The following TFPI variants were observed in gnomAD, a reference collection of about 807,000 sequenced individuals.
The protein encoded by TFPI is tissue factor pathway inhibitor, also known as anti-convertin.
In TFPI, 15 loss-of-function variants were observed where a neutral mutation model predicts 34.6. The ratio of observed to expected loss-of-function variants is 0.43; its 90% CI spans 0.29 to 0.67. The LOEUF (loss-of-function observed/expected upper bound fraction) is 0.67. Ranked by LOEUF, TFPI falls within the 30% of genes least tolerant of loss-of-function variation. The pLI is 0.15. For missense variants in TFPI, 301 were observed against 364.0 expected (o/e 0.83, Z 1.41); for synonymous variants, 105 against 120.1 (o/e 0.87, Z 0.82).
At position 187,464,623 on chromosome 2, in the gene TFPI, G is replaced by C. The variant is rs969442771; in HGVS notation, c.*2313C>G. On this transcript the variant is annotated 3_prime_UTR_variant, in exon 8 of 8. Transcript: ENST00000233156. ...AGTGACTATTTACCACTTCACCTAA[G>C]TAGACTTTCCCACTCATTTGAAGCT... 1.3e-5 allele frequency: 2 copies of C among 152,146 alleles called. No homozygotes were observed. Among genetic ancestry groups the C allele is most frequent in the African/African-American group, 4.8e-5 (2 of 41,444 alleles). 9.4% of individuals were successfully genotyped at this position (152,146 alleles called of 1,614,324 possible).
At chr2:187,484,624 GAA>G (rs1693124918) in intron 5 of TFPI, 185 bp downstream of exon 5, 1 of 534,210 alleles carries the variant, frequency 1.9e-6, no homozygotes. Flanking sequence ...TTAGATCTAT[GAA>G]AATAATTTCT....
intron 1 of TFPI, among the ~76,000 whole-genome samples, chr2:187,505,129 G>A (rs1686120596): frequency 5.1e-5 from 3 of 58,604 alleles, no homozygotes; most frequent in South Asian, 5.6e-4. Flanking sequence ...TTTTGAACAC[G>A]TTTTTCAGAG....
chr2:187,500,390 T>C (rs911500195), intron 2 of TFPI, among the ~76,000 whole-genome samples: 2 of 152,208 alleles, frequency 1.3e-5, no homozygotes, highest in African/African-American at 4.8e-5. Context: ...GATCCTCATA[T>C]GGTTTTACAA....
chr2:187,492,994 G>A (rs1053712879), intron 3 of TFPI, among the ~76,000 whole-genome samples: 1 of 152,108 alleles, frequency 6.6e-6, no homozygotes, highest in African/African-American at 2.4e-5. Context: ...GTGGCCTGGA[G>A]TATGGTGGCT....
intron 1 of TFPI, chr2:187,529,515 T>C (rs1300471818): frequency 6.6e-6 from 1 of 152,164 alleles, no homozygotes; most frequent in Non-Finnish European, 1.5e-5. Context: ...AAGAAAGATA[T>C]CTTTTCTCTA....
intron 2 of TFPI, among the ~76,000 whole-genome samples, chr2:187,499,831 A>G (rs554313139): frequency 1.3e-4 from 20 of 152,290 alleles, no homozygotes; most frequent in African/African-American, 4.8e-4. Context: ...TTCCCAAGTT[A>G]ACATGACTTT....
chr2:187,505,103 C>G (rs925721044), intron 1 of TFPI, among the ~76,000 whole-genome samples: 1 of 145,614 alleles, frequency 6.9e-6, no homozygotes, highest in African/African-American at 2.7e-5. Flanking sequence ...AACTAAACTT[C>G]TAATCCTTAT....
intron 6 of TFPI, among the ~76,000 whole-genome samples, chr2:187,479,356 GTC>G (rs901165649): frequency 1.3e-5 from 2 of 150,566 alleles, no homozygotes; most frequent in African/African-American, 2.4e-5. Context: ...GTTCCTTTTT[GTC>G]TCTCTCTCTC....
In TFPI at chr2:187,488,390, A is replaced by T; in HGVS notation, c.320-15T>A. On this transcript the variant is annotated splice_polypyrimidine_tract_variant and intron_variant, in intron 3 of 7. Coordinates refer to ENST00000233156, the MANE Select transcript of TFPI (RefSeq NM_006287.6). ...GTTTGCATTATCTGTAATCAAAAGAATATATGCATATCAATTGTCACAATT... is the reference window on the plus strand; with the variant it reads ...GTTTGCATTATCTGTAATCAAAAGATTATATGCATATCAATTGTCACAATT... 3 of 1,476,300 alleles carry T rather than the reference A, an allele frequency of 2.0e-6. No individual in the cohort carries two copies. Among genetic ancestry groups the T allele is most frequent in the Non-Finnish European group, 2.7e-6 (3 of 1,099,518 alleles). The allele number at this position is 1,476,300 out of a possible 1,614,324, so 91.5% of individuals were successfully genotyped here. A position where few individuals can be genotyped will look rare whatever the true frequency, so the allele number is the denominator to read the frequency against.
At chr2:187,553,890 A>G (rs1442215198) in intron 1 of TFPI, among the ~76,000 whole-genome samples, 2 of 152,240 alleles carry the variant, frequency 1.3e-5, no homozygotes, top group Non-Finnish European at 2.9e-5. Context: ...ATTAGTAAAG[A>G]ATTCTACTAC....
chr2:187,501,885 T>TA (rs765121287), intron 2 of TFPI, among the ~76,000 whole-genome samples: 10 of 152,112 alleles, frequency 6.6e-5, no homozygotes, highest in Non-Finnish European at 1.3e-4. Flanking sequence ...ATTTGACTGT[T>TA]AAAAAAATCA....
At chr2:187,535,199 G>A (rs1297781507) in intron 1 of TFPI, among the ~76,000 whole-genome samples, 1 of 152,122 alleles carries the variant, frequency 6.6e-6, no homozygotes, top group Non-Finnish European at 1.5e-5. Flanking sequence ...AGTTAAAAAG[G>A]ATATCCAGGA....
Position 187,464,299 on chromosome 2 carries a change from G to T in TFPI, c.*2637C>A, listed in dbSNP as rs987284810. ...AATATAATCGTTTGAGTGGTTTTCA[G>T]CATGATCTGTTAATTTTGAATACAG... On this transcript the variant is annotated 3_prime_UTR_variant, in exon 8 of 8. Transcript: ENST00000233156. 4 of 152,080 alleles carry T rather than the reference G, an allele frequency of 2.6e-5. No homozygotes were observed. The highest frequency in any genetic ancestry group is 9.7e-5 in the African/African-American group (4 of 41,404). 9.4% of individuals were successfully genotyped at this position (152,080 alleles called of 1,614,324 possible). A position where few individuals can be genotyped will look rare whatever the true frequency, so the allele number is the denominator to read the frequency against.
rs183164558 is a variant in TFPI at position 187,489,939 on chromosome 2, C to T, written c.320-1564G>A. Among the ~76,000 whole-genome samples, 75 of 151,560 alleles carry T rather than the reference C, an allele frequency of 4.9e-4. 1 individual carries two copies. Among genetic ancestry groups the T allele is most frequent in the East Asian group, 1.2e-3 (6 of 5,186 alleles). Reference sequence around the variant, plus strand: ...CAAGTTTTCTTAGATTTAGACAGGACGAAGCATTTATCAATGCTTTTTAAG... The same window carrying T: ...CAAGTTTTCTTAGATTTAGACAGGATGAAGCATTTATCAATGCTTTTTAAG... On this transcript the variant is annotated intron_variant, in intron 3 of 7. Coordinates refer to ENST00000233156, the MANE Select transcript of TFPI (RefSeq NM_006287.6).
At chr2:187,534,330 T>C (rs1013683226) in intron 1 of TFPI, among the ~76,000 whole-genome samples, 1 of 152,168 alleles carries the variant, frequency 6.6e-6, no homozygotes, top group Non-Finnish European at 1.5e-5. Context: ...AAATGTTGGG[T>C]TTCCCATAAA....
intron 6 of TFPI, among the ~76,000 whole-genome samples, chr2:187,482,090 A>C (rs1692908233): frequency 6.6e-6 from 1 of 152,036 alleles, no homozygotes; most frequent in African/African-American, 2.4e-5. Context: ...AAAAATTTTA[A>C]ATTTTATACT....
chr2:187,554,276 G>A lies in TFPI; in HGVS notation c.-79C>T, dbSNP rs1442347349. On this transcript the variant is annotated 5_prime_UTR_variant, in exon 1 of 8. Transcript: ENST00000233156. ...GAGGTTATTTTGTTTTTCCTTCCAG[G>A]TATTGAAGACAGGATTTATCTTCTC... 2 of 152,042 alleles carry A rather than the reference G, an allele frequency of 1.3e-5. No individual in the cohort carries two copies. Among genetic ancestry groups the A allele is most frequent in the Admixed American group, 1.3e-4 (2 of 15,248 alleles). The allele number at this position is 152,042 out of a possible 1,614,324, so 9.4% of individuals were successfully genotyped here.
intron 1 of TFPI, among the ~76,000 whole-genome samples, chr2:187,506,155 T>C (rs1686204784): frequency 2.0e-5 from 3 of 152,038 alleles, no homozygotes; most frequent in Admixed American, 1.3e-4. Context: ...GCAAAATCTT[T>C]TTCCTTTTGG....
chr2:187,530,289 GA>G (rs1445191687), intron 1 of TFPI, among the ~76,000 whole-genome samples: 2 of 152,136 alleles, frequency 1.3e-5, no homozygotes, highest in Non-Finnish European at 2.9e-5. Context: ...AAAGTACCCA[GA>G]AGGCTTGTTT....
Sources: allele counts gnomAD v4.1 joint callset (sites outside exome capture counted in the v4.1 genomes callset), GRCh38; gene constraint gnomAD v4.1.1; transcripts MANE v1.5; gene names NCBI Gene and HGNC (gene_info 2026-07-23, HGNC 2026-07-21).